Variants in CCSER1 observed in about 807,000 individuals in gnomAD.
CCSER1 encodes coiled-coil serine rich protein 1.
Under a neutral mutation model 82.0 loss-of-function variants are expected in CCSER1, and 41 were observed. The observed-to-expected ratio is 0.50, with a 90% CI of 0.39 to 0.65. The LOEUF (loss-of-function observed/expected upper bound fraction) is 0.65. Among genes scored for constraint, CCSER1 ranks in the 30% least tolerant of loss-of-function variants. The pLI is 0.00. For missense variants in CCSER1, 1,119 were observed against 1,064.2 expected, an observed-to-expected ratio of 1.05 and a Z score of -0.72; for synonymous variants, 414 against 383.9, an observed-to-expected ratio of 1.08 and a Z score of -0.92.
chr4:90,888,773 G>A (rs1261851532), intron 8 of CCSER1, among the ~76,000 whole-genome samples: 4 of 152,098 alleles, frequency 2.6e-5, no homozygotes, highest in Non-Finnish European at 5.9e-5. Flanking sequence ...CAGAACAGAT[G>A]TTTTCAATTT....
chr4:90,634,181 G>A (rs1391908919), intron 6 of CCSER1, among the ~76,000 whole-genome samples: 1 of 151,480 alleles, frequency 6.6e-6, no homozygotes, highest in Non-Finnish European at 1.5e-5. Context: ...ATAATAAGCT[G>A]TATCTATTCT....
chr4:91,103,704 G>A (rs971442114), intron 10 of CCSER1, among the ~76,000 whole-genome samples: 1 of 152,052 alleles, frequency 6.6e-6, no homozygotes, highest in Non-Finnish European at 1.5e-5. Flanking sequence ...TGTCACCTCA[G>A]GACCACTGTG....
chr4:90,592,460 T>C (rs750099348), intron 5 of CCSER1, among the ~76,000 whole-genome samples: 4 of 152,144 alleles, frequency 2.6e-5, no homozygotes, highest in African/African-American at 4.8e-5. Context: ...TGTTCATGTG[T>C]GAGGATTGGA....
At position 90,556,281 on chromosome 4, in the gene CCSER1, T is replaced by C. The variant is rs1473579240; in HGVS notation, c.1725-71744T>C. 6.6e-5 allele frequency among the ~76,000 whole-genome samples: 10 copies of C among 152,114 alleles called. 1 individual carries two copies. The highest frequency in any genetic ancestry group is 2.4e-4 in the African/African-American group (10 of 41,450). ...GAAATATAGAAAGCAGATGATTATT[T>C]ATAATTTCAATTAAACTTCCTAGGC... On this transcript the variant is annotated intron_variant, in intron 5 of 10. Transcript: ENST00000509176.
At chr4:91,522,463 C>T (rs1296632830) in intron 10 of CCSER1, among the ~76,000 whole-genome samples, 2 of 152,116 alleles carry the variant, frequency 1.3e-5, no homozygotes, top group Non-Finnish European at 2.9e-5. Context: ...TTACCTTGGG[C>T]AGTATGGCCA....
intron 10 of CCSER1, among the ~76,000 whole-genome samples, chr4:91,310,310 C>A (rs1360416256): frequency 6.6e-6 from 1 of 150,820 alleles, no homozygotes; most frequent in Non-Finnish European, 1.5e-5. Flanking sequence ...ATGACAATGT[C>A]TTCCCTGGGC....
chr4:90,280,500 C>A (rs1437290826), intron 1 of CCSER1, among the ~76,000 whole-genome samples: 1 of 151,910 alleles, frequency 6.6e-6, no homozygotes, highest in Non-Finnish European at 1.5e-5. Context: ...AATTGCAGGA[C>A]TGTGCTGTTT....
At chr4:91,279,655 T>C (rs928396752) in intron 10 of CCSER1, among the ~76,000 whole-genome samples, 19 of 152,268 alleles carry the variant, frequency 1.2e-4, no homozygotes, top group Non-Finnish European at 2.5e-4. Flanking sequence ...ATTGCTTTTC[T>C]GATTTCTTTG....
chr4:90,209,771 T>C (rs894463122), intron 1 of CCSER1, among the ~76,000 whole-genome samples: 51 of 144,502 alleles, frequency 3.5e-4, no homozygotes, highest in Non-Finnish European at 2.3e-4. Context: ...TGTCTAGTGT[T>C]TTTTTTTTTT....
chr4:90,699,032 T>C (rs1560967666), intron 6 of CCSER1, among the ~76,000 whole-genome samples: 1 of 151,758 alleles, frequency 6.6e-6, no homozygotes, highest in Non-Finnish European at 1.5e-5. Context: ...GCTCAAGAGG[T>C]TGAGGGTGCA....
chr4:91,221,564 A>G (rs888768213), intron 10 of CCSER1, among the ~76,000 whole-genome samples: 26 of 79,512 alleles, frequency 3.3e-4, no homozygotes, highest in Non-Finnish European at 5.3e-4. Flanking sequence ...ATAGGCATGG[A>G]TTGGAAAATA....
intron 10 of CCSER1, among the ~76,000 whole-genome samples, chr4:91,117,160 G>T (rs1451692471): frequency 6.6e-6 from 1 of 152,166 alleles, no homozygotes; most frequent in Non-Finnish European, 1.5e-5. Context: ...TAAAAAGATA[G>T]CATTCATTAC....
In CCSER1 at chr4:90,605,825, CA is replaced by C. The variant is rs1375900180; in HGVS notation, c.1725-22196del. 4.0e-5 allele frequency among the ~76,000 whole-genome samples: 6 copies of C among 151,604 alleles called. No individual in the cohort carries two copies. In the East Asian group the frequency reaches 9.7e-4, roughly 24 times the overall value. On this transcript the variant is annotated intron_variant, in intron 5 of 10. Transcript: ENST00000509176. ...GGTGAAAGTTTTGTATATTTTTTTT[CA>C]AAATGTTAAGACAATAAAAATATTT...
chr4:90,462,287 A>AT (rs1763036383), intron 4 of CCSER1, among the ~76,000 whole-genome samples: 1 of 152,270 alleles, frequency 6.6e-6, no homozygotes, highest in East Asian at 1.9e-4. Flanking sequence ...AACGTATGTG[A>AT]TTTTGGAGAC....
intron 10 of CCSER1, among the ~76,000 whole-genome samples, chr4:91,507,609 CTTTT>C (rs55879886): frequency 6.7e-6 from 1 of 150,104 alleles, no homozygotes; most frequent in Non-Finnish European, 1.5e-5. Flanking sequence ...ATTAGGTTGT[CTTTT>C]TTTTTGTTAA....
chr4:90,146,213 A>G (rs1228206997), intron 1 of CCSER1, among the ~76,000 whole-genome samples: 1 of 152,116 alleles, frequency 6.6e-6, no homozygotes, highest in Non-Finnish European at 1.5e-5. Flanking sequence ...TTGAGAAGTG[A>G]GCTCCAATTT....
At chr4:90,868,557 T>A (rs575604734) in intron 8 of CCSER1, among the ~76,000 whole-genome samples, 223 of 152,198 alleles carry the variant, frequency 1.5e-3, no homozygotes, top group Admixed American at 2.7e-3. Flanking sequence ...GGTTGATTAG[T>A]ACTCATTGTG....
At chr4:90,734,147 A>G (rs1211870985) in intron 7 of CCSER1, among the ~76,000 whole-genome samples, 3 of 151,264 alleles carry the variant, frequency 2.0e-5, no homozygotes, top group African/African-American at 7.3e-5. Flanking sequence ...TTATTTTGAG[A>G]TGGAATCTCG....
At chr4:90,741,644 T>G (rs1746573896) in intron 7 of CCSER1, among the ~76,000 whole-genome samples, 1 of 152,240 alleles carries the variant, frequency 6.6e-6, no homozygotes, top group African/African-American at 2.4e-5. Flanking sequence ...TCATTTCATA[T>G]AAACTCCATT....
Sources: allele counts gnomAD v4.1 joint callset (sites outside exome capture counted in the v4.1 genomes callset), GRCh38; gene constraint gnomAD v4.1.1; transcripts MANE v1.5; gene names NCBI Gene and HGNC (gene_info 2026-07-23, HGNC 2026-07-21).